VRK3: variants seen among roughly 807,000 people sequenced by gnomAD.
VRK3 encodes serine/threonine-protein kinase VRK3.
A neutral mutation model predicts 60.4 loss-of-function variants in VRK3; 50 were observed. That is an observed-to-expected ratio of 0.83 (90% confidence interval 0.66 to 1.05). The LOEUF is 1.05. Among genes scored for constraint, VRK3 ranks in the 50% least tolerant of loss-of-function variants. The pLI is 0.00. For synonymous variants in VRK3, 246 were observed against 227.8 expected, an observed-to-expected ratio of 1.08 and a Z score of -0.72; for missense variants, 549 against 585.3, an observed-to-expected ratio of 0.94 and a Z score of 0.64.
intron 4 of VRK3, among the ~76,000 whole-genome samples, chr19:50,008,287 A>C (rs1399938190): frequency 1.3e-5 from 2 of 152,214 alleles, no homozygotes; most frequent in Admixed American, 1.3e-4. Flanking sequence ...GAAAAGGGCC[A>C]AAAAATTTGT....
intron 10 of VRK3, among the ~76,000 whole-genome samples, chr19:49,990,740 C>T (rs1357265330): frequency 6.6e-6 from 1 of 151,944 alleles, no homozygotes; most frequent in Non-Finnish European, 1.5e-5. Context: ...TCCCCGGCTC[C>T]CTGTTTTTCT....
At chr19:49,989,531 A>G (rs2076573724) in intron 11 of VRK3, 108 bp downstream of exon 11, 2 of 1,414,044 alleles carry the variant, frequency 1.4e-6, no homozygotes, top group Non-Finnish European at 9.4e-7. Flanking sequence ...TGGCGCCCTT[A>G]GTGCCTCTCC....
At chr19:50,004,190 T>C (rs1211079129) in intron 5 of VRK3, among the ~76,000 whole-genome samples, 2 of 152,168 alleles carry the variant, frequency 1.3e-5, no homozygotes. Flanking sequence ...GCTTCCACTG[T>C]GGGTTTCTGG....
At chr19:49,982,977 C>T (rs1225555047) in intron 12 of VRK3, among the ~76,000 whole-genome samples, 2 of 152,096 alleles carry the variant, frequency 1.3e-5, no homozygotes, top group Admixed American at 1.3e-4. Flanking sequence ...TCTCAACTCT[C>T]TCTGCCCCAT....
chr19:50,023,463 G>A (rs1600735574), intron 1 of VRK3, among the ~76,000 whole-genome samples: 1 of 152,290 alleles, frequency 6.6e-6, no homozygotes, highest in African/African-American at 2.4e-5. Flanking sequence ...TTACAGGCTC[G>A]AGCCACCGTG....
At chr19:50,020,552 AG>A (rs1200632033) in intron 2 of VRK3, 32 bp downstream of exon 2, 4 of 152,230 alleles carry the variant, frequency 2.6e-5, no homozygotes, top group Non-Finnish European at 4.4e-5. Context: ...AAAAGGAAAA[AG>A]GTCTTGAGAG....
At chr19:50,003,008 CT>C (rs1166941034) in intron 5 of VRK3, among the ~76,000 whole-genome samples, 3 of 152,190 alleles carry the variant, frequency 2.0e-5, no homozygotes, top group Admixed American at 2.0e-4. Context: ...CGGCATCACT[CT>C]ACTCATTTCA....
intron 5 of VRK3, among the ~76,000 whole-genome samples, chr19:50,007,113 T>C (rs577035754): frequency 6.6e-6 from 1 of 152,214 alleles, no homozygotes; most frequent in Non-Finnish European, 1.5e-5. Context: ...CAGAGACCCC[T>C]ATTATGTAAG....
intron 2 of VRK3, among the ~76,000 whole-genome samples, chr19:50,017,123 G>A (rs2077091446): frequency 6.6e-6 from 1 of 152,082 alleles, no homozygotes; most frequent in African/African-American, 2.4e-5. Context: ...GAACCCGGGA[G>A]GTGGAGGTTG....
At chr19:49,999,277 T>C (rs1362089370) in intron 6 of VRK3, 1 of 152,302 alleles carries the variant, frequency 6.6e-6, no homozygotes, top group Non-Finnish European at 1.5e-5. Context: ...CTTTTCTCTT[T>C]TTGCGTCCTG....
chr19:49,977,872 C>T (rs796636562), intron 14 of VRK3, among the ~76,000 whole-genome samples: 1 of 152,230 alleles, frequency 6.6e-6, no homozygotes, highest in African/African-American at 2.4e-5. Flanking sequence ...GAAAAGAGTC[C>T]CCACCCCTCA....
chr19:50,009,492 C>G (rs2076959378), intron 3 of VRK3, 107 bp from the exon 4 acceptor site: 2 of 1,287,102 alleles, frequency 1.6e-6, no homozygotes, highest in Non-Finnish European at 2.1e-6. Context: ...TTCTCTTTGG[C>G]CCTCAACACC....
At chr19:49,992,334 G>A (rs1373511329) in intron 10 of VRK3, among the ~76,000 whole-genome samples, 1 of 152,232 alleles carries the variant, frequency 6.6e-6, no homozygotes, top group Non-Finnish European at 1.5e-5. Flanking sequence ...AACCCAGGAG[G>A]TGGAGGTTGT....
chr19:49,989,763 CAA>C lies in VRK3; in HGVS notation c.970_971del (p.Leu324GlyfsTer31), dbSNP rs758498846. On this transcript the variant is annotated frameshift_variant, in exon 11 of 15. Transcript: ENST00000316763. LOFTEE classifies it high-confidence loss of function. The part of the protein sequence containing the change: ...VDPEDQSQVT[L>X]AGYGFAFRYC... Reference sequence around the variant, plus strand: ...AGCGGAAGGCGAAGCCATAGCCTGCCAAAGTCACCTGTGGACACAGGGAAAAG... The same window carrying C: ...AGCGGAAGGCGAAGCCATAGCCTGCCAGTCACCTGTGGACACAGGGAAAAG... 6.2e-7 allele frequency: 1 copy of C among 1,611,582 alleles called. No individual in the cohort carries two copies. Among genetic ancestry groups the C allele is most frequent in the African/African-American group, 1.3e-5 (1 of 75,002 alleles).
intron 3 of VRK3, among the ~76,000 whole-genome samples, chr19:50,012,135 C>T (rs2077005120): frequency 6.6e-6 from 1 of 152,172 alleles, no homozygotes; most frequent in Admixed American, 6.5e-5. Flanking sequence ...CCACGCCCAG[C>T]TAATTTTGTA....
chr19:49,991,587 T>C (rs1600670973), intron 10 of VRK3, among the ~76,000 whole-genome samples: 1 of 152,118 alleles, frequency 6.6e-6, no homozygotes, highest in South Asian at 2.1e-4. Flanking sequence ...TCCTAATGCT[T>C]AGTTCCAGGA....
intron 14 of VRK3, among the ~76,000 whole-genome samples, chr19:49,977,488 A>AC (rs1443923984): frequency 1.3e-5 from 2 of 152,112 alleles, no homozygotes; most frequent in African/African-American, 4.8e-5. Context: ...ACTGTGAGAC[A>AC]CAGTGGCACT....
intron 13 of VRK3, 93 bp from the exon 14 acceptor site, chr19:49,979,335 G>A: frequency 1.9e-6 from 3 of 1,566,794 alleles, no homozygotes; most frequent in Non-Finnish European, 2.6e-6. Flanking sequence ...GAGGGGTGGG[G>A]GACTGAGGGG....
intron 12 of VRK3, chr19:49,982,241 T>C (rs1211434716): frequency 2.8e-6 from 2 of 702,622 alleles, no homozygotes; most frequent in Non-Finnish European, 5.2e-6. Context: ...CCGTAGCTCA[T>C]GCCTGAACAA....
Sources: gnomAD v4.1 joint callset for allele counts (sites outside exome capture counted in the v4.1 genomes callset) on GRCh38, gnomAD v4.1.1 for gene constraint, MANE v1.5 for transcripts, NCBI Gene and HGNC (gene_info 2026-07-23, HGNC 2026-07-21) for gene names.